SEMA6D: variants seen among roughly 807,000 people sequenced by gnomAD.
SEMA6D encodes semaphorin-6D.
In SEMA6D, 35 loss-of-function variants were observed where a neutral mutation model predicts 106.6. The observed-to-expected ratio is 0.33, with a 90% CI of 0.25 to 0.44. The LOEUF (loss-of-function observed/expected upper bound fraction) is 0.44, where lower values mean the gene tolerates loss of function less well. Ranked by LOEUF, SEMA6D falls within the 20% of genes least tolerant of loss-of-function variation. The pLI is 1.00. For synonymous variants in SEMA6D, 499 were observed against 487.7 expected (o/e 1.02, Z -0.31); for missense variants, 1,185 against 1,345.9 (o/e 0.88, Z 1.87).
chr15:47,410,245 G>C (rs188133), intron 1 of SEMA6D, among the ~76,000 whole-genome samples: 1 of 151,878 alleles, frequency 6.6e-6, no homozygotes, highest in African/African-American at 2.4e-5. Flanking sequence ...TGGACTTCCA[G>C]TTGCTAGGAT....
intron 4 of SEMA6D, among the ~76,000 whole-genome samples, chr15:47,620,501 A>T (rs185248483): frequency 6.6e-6 from 1 of 152,306 alleles, no homozygotes; most frequent in Non-Finnish European, 1.5e-5. Context: ...TAAGATGAAC[A>T]TGCAGCCTCT....
chr15:47,333,581 T>G (rs902287697), intron 1 of SEMA6D, among the ~76,000 whole-genome samples: 3 of 152,050 alleles, frequency 2.0e-5, no homozygotes, highest in African/African-American at 7.2e-5. Flanking sequence ...TAATGGGATA[T>G]TGGGAAGTGA....
intron 1 of SEMA6D, among the ~76,000 whole-genome samples, chr15:47,227,456 T>TTTC (rs1253952628): frequency 1.6e-4 from 13 of 79,268 alleles, no homozygotes; most frequent in African/African-American, 9.2e-4. Flanking sequence ...CTTTTCTTTC[T>TTTC]TTTCTTTCTT....
chr15:47,280,138 CT>C (rs1432756769), intron 1 of SEMA6D, among the ~76,000 whole-genome samples: 1 of 152,106 alleles, frequency 6.6e-6, no homozygotes, highest in Non-Finnish European at 1.5e-5. Context: ...TAGAATTTGG[CT>C]GTAAATCCAT....
intron 1 of SEMA6D, among the ~76,000 whole-genome samples, chr15:47,754,698 A>G (rs981444424): frequency 6.6e-6 from 1 of 152,172 alleles, no homozygotes; most frequent in Admixed American, 6.5e-5. Context: ...TGCAGCCATT[A>G]TCTTGTCAAA....
chr15:47,277,762 C>A (rs1461350122), intron 1 of SEMA6D, among the ~76,000 whole-genome samples: 2 of 151,830 alleles, frequency 1.3e-5, no homozygotes, highest in Non-Finnish European at 1.5e-5. Flanking sequence ...TTCCTCCCCC[C>A]TCCCCACACC....
chr15:47,496,385 A>G (rs1353303097), intron 3 of SEMA6D, among the ~76,000 whole-genome samples: 1 of 152,062 alleles, frequency 6.6e-6, no homozygotes, highest in East Asian at 1.9e-4. Context: ...ACCTCATTCA[A>G]GATCCACCAA....
intron 1 of SEMA6D, among the ~76,000 whole-genome samples, chr15:47,732,791 A>T (rs527436092): frequency 6.1e-4 from 91 of 149,058 alleles, no homozygotes; most frequent in African/African-American, 2.2e-3. Flanking sequence ...TTAGGCAATT[A>T]AAAAAAATAA....
chr15:47,569,771 G>T (rs1471331370), intron 3 of SEMA6D, among the ~76,000 whole-genome samples: 1 of 152,100 alleles, frequency 6.6e-6, no homozygotes, highest in Non-Finnish European at 1.5e-5. Flanking sequence ...CATTTTATAA[G>T]GATTTGAGGC....
chr15:47,722,794 A>G (rs1416947256), intron 1 of SEMA6D, among the ~76,000 whole-genome samples: 1 of 152,226 alleles, frequency 6.6e-6, no homozygotes, highest in Non-Finnish European at 1.5e-5. Context: ...AGCAACCACA[A>G]TACTTAACAC....
intron 3 of SEMA6D, among the ~76,000 whole-genome samples, chr15:47,575,772 G>A (rs2076146712): frequency 6.6e-6 from 1 of 151,804 alleles, no homozygotes; most frequent in Non-Finnish European, 1.5e-5. Context: ...AGGGCTTTGA[G>A]TGGCATTCAG....
intron 4 of SEMA6D, among the ~76,000 whole-genome samples, chr15:47,609,756 C>G (rs1378827907): frequency 1.3e-5 from 2 of 152,208 alleles, no homozygotes; most frequent in Non-Finnish European, 2.9e-5. Flanking sequence ...ATGTGCCCCT[C>G]TCCAAGTCCT....
At chr15:47,693,892 G>A (rs1032693966) in intron 4 of SEMA6D, among the ~76,000 whole-genome samples, 2 of 152,014 alleles carry the variant, frequency 1.3e-5, no homozygotes, top group African/African-American at 2.4e-5. Context: ...TCAGTGAGCC[G>A]TGATCGCACC....
At chr15:47,271,689 C>T (rs1453952152) in intron 1 of SEMA6D, among the ~76,000 whole-genome samples, 1 of 151,854 alleles carries the variant, frequency 6.6e-6, no homozygotes, top group Non-Finnish European at 1.5e-5. Context: ...TGTTTTAGAG[C>T]CCCCCAAATC....
intron 3 of SEMA6D, among the ~76,000 whole-genome samples, chr15:47,564,416 A>G (rs985653415): frequency 6.6e-5 from 10 of 152,310 alleles, no homozygotes; most frequent in African/African-American, 2.4e-4. Context: ...ATTAATGTAG[A>G]TCCCCAGTCC....
intron 1 of SEMA6D, among the ~76,000 whole-genome samples, chr15:47,745,741 A>C (rs1032280543): frequency 2.6e-5 from 4 of 152,338 alleles, no homozygotes; most frequent in East Asian, 1.9e-4. Context: ...CTTAAAATTC[A>C]CCTGGGCTGT....
rs181812339 is a variant in SEMA6D at position 47,227,646 on chromosome 15, C to T, written c.-239+43228C>T. Among the ~76,000 whole-genome samples the T allele has an allele frequency of 3.7e-3, 547 of 148,760 alleles. 4 individuals carry two copies. The highest frequency in any genetic ancestry group is 0.013 in the African/African-American group (533 of 40,578). ...TTCTAAAAATATGAGGCCAGCAGTG[C>T]GTGTGTAAAAGGTAGATATCTGCAC... is the stretch of plus-strand genomic sequence containing the variant. On this transcript the variant is annotated intron_variant, in intron 1 of 19. Transcript: ENST00000558014.
intron 1 of SEMA6D, among the ~76,000 whole-genome samples, chr15:47,366,756 G>A (rs377485427): frequency 2.4e-4 from 36 of 152,296 alleles, no homozygotes; most frequent in South Asian, 6.2e-4. Context: ...ATTCCTCAGC[G>A]CTAAAAGCAA....
intron 1 of SEMA6D, among the ~76,000 whole-genome samples, chr15:47,347,150 C>T (rs1024148763): frequency 2.6e-5 from 4 of 152,116 alleles, no homozygotes; most frequent in South Asian, 2.1e-4. Context: ...TCAGGAGATC[C>T]GCCCGCCTCA....
Sources: gnomAD v4.1 joint callset for allele counts (sites outside exome capture counted in the v4.1 genomes callset) on GRCh38, gnomAD v4.1.1 for gene constraint, MANE v1.5 for transcripts, NCBI Gene and HGNC (gene_info 2026-07-23, HGNC 2026-07-21) for gene names.